Variants in AKR1C8 observed in about 807,000 individuals in gnomAD.
The protein encoded by AKR1C8 is aldo-keto reductase family 1 member C-like protein 1.
At chr10:5,165,207 T>A in the AKR1C8 span, among the ~76,000 whole-genome samples, 1 of 152,170 alleles carries the variant, frequency 6.6e-6, no homozygotes, top group South Asian at 2.1e-4. Context: ...CTTTCCTCCA[T>A]GTAAAAATTC....
At chr10:5,162,812 C>T in the AKR1C8 span, 1 of 480,818 alleles carries the variant, frequency 2.1e-6, no homozygotes, top group East Asian at 5.6e-5. Context: ...TATATCTGAA[C>T]TTATAGTGGC....
the AKR1C8 span, among the ~76,000 whole-genome samples, chr10:5,168,686 T>C: frequency 1.3e-5 from 2 of 152,004 alleles, no homozygotes; most frequent in Non-Finnish European, 2.9e-5. Context: ...GATTCAGAGA[T>C]GAAAACATGT....
At chr10:5,162,373 T>C in the AKR1C8 span, among the ~76,000 whole-genome samples, 1 of 152,218 alleles carries the variant, frequency 6.6e-6, no homozygotes, top group Non-Finnish European at 1.5e-5. Context: ...AAATTATCGA[T>C]GTAAACACAC....
the AKR1C8 span, among the ~76,000 whole-genome samples, chr10:5,137,535 G>A: frequency 5.9e-5 from 9 of 152,086 alleles, no homozygotes; most frequent in South Asian, 4.2e-4. Context: ...AAAGGCCTTC[G>A]ACAAAATTCA....
At chr10:5,129,543 G>A in the AKR1C8 span, among the ~76,000 whole-genome samples, 2 of 152,014 alleles carry the variant, frequency 1.3e-5, no homozygotes, top group Middle Eastern at 3.4e-3. Context: ...ACCAAGAAAA[G>A]GAGAGAAGAT....
At chr10:5,161,306 C>T in the AKR1C8 span, among the ~76,000 whole-genome samples, 34 of 152,272 alleles carry the variant, frequency 2.2e-4, 1 homozygote, top group East Asian at 3.1e-3. Context: ...CCCCAGTTTA[C>T]GCTCACCCGA....
chr10:5,120,566 G>A, the AKR1C8 span, among the ~76,000 whole-genome samples: 1 of 151,908 alleles, frequency 6.6e-6, no homozygotes, highest in Admixed American at 6.6e-5. Context: ...TAGTTAGTGT[G>A]CCAGGAGCTG....
At chr10:5,178,593 C>T in the AKR1C8 span, among the ~76,000 whole-genome samples, 7 of 152,086 alleles carry the variant, frequency 4.6e-5, no homozygotes, top group African/African-American at 1.2e-4. Context: ...TAAAGTCTCC[C>T]GTTATTATTG....
At chr10:5,177,187 AGG>A in the AKR1C8 span, among the ~76,000 whole-genome samples, 8 of 152,034 alleles carry the variant, frequency 5.3e-5, no homozygotes, top group East Asian at 9.6e-4. Flanking sequence ...TTTAGCATGA[AGG>A]GCTGTTGAAT....
chr10:5,135,573 TATCTATC>T, the AKR1C8 span, among the ~76,000 whole-genome samples: 4 of 152,188 alleles, frequency 2.6e-5, no homozygotes, highest in African/African-American at 4.8e-5. Context: ...ATCATCTATC[TATCTATC>T]ATCTATCATC....
At chr10:5,178,769 ATC>A in the AKR1C8 span, among the ~76,000 whole-genome samples, 8 of 151,572 alleles carry the variant, frequency 5.3e-5, no homozygotes, top group African/African-American at 1.9e-4. Context: ...TTGGTTTGAA[ATC>A]TGTTTTATCA....
the AKR1C8 span, among the ~76,000 whole-genome samples, chr10:5,126,738 G>A: frequency 6.6e-6 from 1 of 152,106 alleles, no homozygotes; most frequent in Non-Finnish European, 1.5e-5. Context: ...CAACCCCATA[G>A]GAGACAGTGA....
the AKR1C8 span, among the ~76,000 whole-genome samples, chr10:5,118,832 G>A: frequency 9.9e-5 from 15 of 152,074 alleles, no homozygotes; most frequent in African/African-American, 3.6e-4. Flanking sequence ...TGACTGGAGG[G>A]AGATATTTTG....
chr10:5,154,088 C>T, the AKR1C8 span: 1 of 460,656 alleles, frequency 2.2e-6, no homozygotes, highest in Non-Finnish European at 4.5e-6. Context: ...GAAATCCTCT[C>T]TCTGTCACCT....
At chr10:5,144,047 T>G in the AKR1C8 span, among the ~76,000 whole-genome samples, 1 of 152,120 alleles carries the variant, frequency 6.6e-6, no homozygotes, top group Admixed American at 6.6e-5. Context: ...ATATGATACT[T>G]TTGAATAGTT....
chr10:5,135,114 G>C, the AKR1C8 span: 2 of 210,670 alleles, frequency 9.5e-6, no homozygotes, highest in Non-Finnish European at 2.1e-5. Flanking sequence ...TCTTTTAAAT[G>C]CCCAACACTG....
chr10:5,177,627 T>G, the AKR1C8 span, among the ~76,000 whole-genome samples: 2 of 152,210 alleles, frequency 1.3e-5, no homozygotes, highest in Non-Finnish European at 2.9e-5. Context: ...TTTTGGTTAG[T>G]AAGCTATTGA....
chr10:5,183,264 T>A, the AKR1C8 span, among the ~76,000 whole-genome samples: 1 of 152,160 alleles, frequency 6.6e-6, no homozygotes, highest in African/African-American at 2.4e-5. Flanking sequence ...TACCAGGTCA[T>A]AGGAATATAT....
At chr10:5,161,751 C>T in the AKR1C8 span, 2 of 534,716 alleles carry the variant, frequency 3.7e-6, no homozygotes, top group South Asian at 1.4e-5. Context: ...TCAAATCTGC[C>T]TCTCTCAGGA....
Sources: gnomAD v4.1 joint callset for allele counts (sites outside exome capture counted in the v4.1 genomes callset) on GRCh38, gnomAD v4.1.1 for gene constraint, MANE v1.5 for transcripts, NCBI Gene and HGNC (gene_info 2026-07-23, HGNC 2026-07-21) for gene names.